NEU3: variants seen among roughly 807,000 people sequenced by gnomAD.
NEU3 encodes neuraminidase 3.
NEU3 carries 10 observed loss-of-function variants against 11.4 expected under a neutral mutation model. The observed-to-expected ratio is 0.88, with a 90% confidence interval of 0.54 to 1.49. The LOEUF (loss-of-function observed/expected upper bound fraction) is 1.49, where lower values mean the gene tolerates loss of function less well. Ranked by LOEUF, NEU3 falls within the 40% of genes most tolerant of loss-of-function variation. The pLI is 0.00. For missense variants in NEU3, 529 were observed against 581.8 expected, an observed-to-expected ratio of 0.91 and a Z score of 0.93; for synonymous variants, 212 against 228.2, an observed-to-expected ratio of 0.93 and a Z score of 0.64.
Position 75,009,703 on chromosome 11 carries a change from CTG to C in NEU3, c.*3212_*3213del, listed in dbSNP as rs1948937006. On this transcript the variant is annotated 3_prime_UTR_variant, in exon 3 of 3. Coordinates refer to ENST00000294064, the MANE Select transcript of NEU3 (RefSeq NM_006656.6). Reference sequence around the variant, plus strand: ...TCCTTCCAGCACACATGGCCCAACACTGAGAGTGCAGGAAGCATGGGTAGGGG... The same window carrying C: ...TCCTTCCAGCACACATGGCCCAACACAGAGTGCAGGAAGCATGGGTAGGGG... 6.6e-6 allele frequency: 1 copy of C among 152,302 alleles called. No individual in the cohort carries two copies. The highest frequency in any genetic ancestry group is 1.5e-5 in the Non-Finnish European group (1 of 68,120). 9.4% of individuals were successfully genotyped at this position (152,302 alleles called of 1,614,324 possible).
chr11:75,018,330 T>C (rs192525803), intron 3 of NEU3, among the ~76,000 whole-genome samples: 57 of 152,252 alleles, frequency 3.7e-4, no homozygotes, highest in Admixed American at 6.5e-4. Flanking sequence ...GTATTGATCC[T>C]GGGTGTGTCT....
chr11:74,986,379 G>C (rs1217232536), upstream of NEU3, among the ~76,000 whole-genome samples: 1 of 152,160 alleles, frequency 6.6e-6, no homozygotes, highest in Non-Finnish European at 1.5e-5. Context: ...TTCCTCTAAA[G>C]CGACTGTACC....
At chr11:75,017,977 G>A (rs778491235) in intron 3 of NEU3, among the ~76,000 whole-genome samples, 1 of 152,164 alleles carries the variant, frequency 6.6e-6, no homozygotes, top group African/African-American at 2.4e-5. Flanking sequence ...CAATGAAGAG[G>A]AGCTTTGAGC....
intron 2 of NEU3, among the ~76,000 whole-genome samples, chr11:75,000,848 G>A (rs149938188): frequency 1.3e-4 from 19 of 150,470 alleles, no homozygotes; most frequent in Non-Finnish European, 2.2e-4. Flanking sequence ...TATGTTGCCC[G>A]GGCTCCATTC....
At chr11:75,019,610 A>G (rs766959048), downstream of NEU3, among the ~76,000 whole-genome samples, 10 of 152,210 alleles carry the variant, frequency 6.6e-5, no homozygotes, top group Non-Finnish European at 1.3e-4. Context: ...TGCATATGTG[A>G]TGGTTCCTGC....
intron 3 of NEU3, among the ~76,000 whole-genome samples, chr11:75,017,839 T>C (rs768907578): frequency 2.0e-5 from 3 of 152,076 alleles, no homozygotes; most frequent in Non-Finnish European, 1.5e-5. Context: ...GTCTTTGGGG[T>C]AGGAATTAGT....
At chr11:75,002,035 C>T (rs1948849752) in intron 2 of NEU3, among the ~76,000 whole-genome samples, 1 of 152,152 alleles carries the variant, frequency 6.6e-6, no homozygotes, top group African/African-American at 2.4e-5. Context: ...CTAGATAACC[C>T]TTATGGTCCA....
chr11:74,990,803 A>G (rs1948723608), intron 1 of NEU3, among the ~76,000 whole-genome samples: 1 of 152,210 alleles, frequency 6.6e-6, no homozygotes, highest in Non-Finnish European at 1.5e-5. Flanking sequence ...CTTGTAATTA[A>G]GGTGTTAAGA....
downstream of NEU3, among the ~76,000 whole-genome samples, chr11:75,011,834 CT>C (rs796716587): frequency 9.5e-3 from 1,408 of 148,944 alleles, 31 homozygotes; most frequent in African/African-American, 0.033. Flanking sequence ...GAGGAGTTAA[CT>C]TTTTTTTTTT....
chr11:74,985,989 G>A (rs984603656), upstream of NEU3, among the ~76,000 whole-genome samples: 6 of 152,218 alleles, frequency 3.9e-5, no homozygotes, highest in African/African-American at 1.4e-4. Context: ...CACTTTGAGA[G>A]CCAAGTTTCC....
At chr11:75,012,954 C>T (rs1189468338), downstream of NEU3, among the ~76,000 whole-genome samples, 1 of 152,208 alleles carries the variant, frequency 6.6e-6, no homozygotes, top group Non-Finnish European at 1.5e-5. Flanking sequence ...TTGCAGGTTC[C>T]AATCACTAGG....
In NEU3 at chr11:75,006,034, C is replaced by T. The variant is rs777055808; in HGVS notation, c.928C>T (p.His310Tyr). Residue 310 changes from histidine to tyrosine, a missense_variant, in exon 3 of 3, where the codon CAT becomes TAT. Transcript: ENST00000294064. ...GAGTCGACAGCTCTGTGAGCCCCCA[C>T]ATGGTTGCCAAGGGAGTGTGGTAAG... ...ALSRQLCEPP[H>Y]GCQGSVVSFR... The T allele has an allele frequency of 3.1e-6, 5 of 1,614,002 alleles. No individual in the cohort carries two copies. Among genetic ancestry groups the T allele is most frequent in the South Asian group, 1.1e-5 (1 of 91,086 alleles).
rs1036562095 is a variant in NEU3 at position 75,006,574 on chromosome 11, A to G, written c.*82A>G. The stretch of plus-strand genomic sequence containing the variant: ...AAGCTACTGAAGTCTACAGATAATC[A>G]AAAAACTTAATATTCTGTTCCCTAC... On this transcript the variant is annotated 3_prime_UTR_variant, in exon 3 of 3. Transcript: ENST00000294064. The G allele has an allele frequency of 9.6e-6, 14 of 1,451,080 alleles. No individual in the cohort carries two copies. The African/African-American group carries it at 2.0e-4, about 21-fold the overall frequency. The allele number at this position is 1,451,080 out of a possible 1,614,324, so 89.9% of individuals were successfully genotyped here.
intron 1 of NEU3, among the ~76,000 whole-genome samples, chr11:74,992,678 G>A (rs1211282753): frequency 2.6e-5 from 4 of 152,154 alleles, no homozygotes; most frequent in East Asian, 1.9e-4. Context: ...TAACAAAGCC[G>A]GCCGGGCACG....
Position 74,994,569 on chromosome 11 carries a change from A to G in NEU3, c.155A>G (p.Asp52Gly), listed in dbSNP as rs1333008676. 1 of 1,613,976 alleles carries G rather than the reference A, an allele frequency of 6.2e-7. No homozygotes were observed. The highest frequency in any genetic ancestry group is 8.5e-7 in the Non-Finnish European group (1 of 1,179,870). ...FNSPLFRQED[D>G]RGITYRIPAL... is the part of the protein sequence containing the mutation. Reference sequence around the variant, plus strand: ...AGCCCTCTGTTCCGGCAGGAAGATGACAGAGGGATTACCTACCGGATCCCA... The same window carrying G: ...AGCCCTCTGTTCCGGCAGGAAGATGGCAGAGGGATTACCTACCGGATCCCA... The change falls in exon 2 of 3, where the codon GAC (aspartate) becomes GGC (glycine). Residue 52 changes from aspartate (D) to glycine (G), a missense_variant. Asp to Gly is a moderately conservative substitution (Grantham distance 94). Transcript: ENST00000294064.
chr11:74,999,126 ACTGTCTGTTTGTCTGT>A (rs1763140587), intron 2 of NEU3, among the ~76,000 whole-genome samples: 1 of 139,498 alleles, frequency 7.2e-6, no homozygotes, highest in African/African-American at 2.5e-5. Context: ...TTAAATTTTA[ACTGTCTGTTTGTCTGT>A]CTGTCTGTCT....
downstream of NEU3, among the ~76,000 whole-genome samples, chr11:75,011,876 T>C (rs1948957955): frequency 6.6e-6 from 1 of 152,144 alleles, no homozygotes. Context: ...CTTGCCTCTA[T>C]TGCCTCAAGA....
intron 3 of NEU3, among the ~76,000 whole-genome samples, chr11:75,017,849 TA>T (rs1477976518): frequency 6.6e-6 from 1 of 152,124 alleles, no homozygotes; most frequent in African/African-American, 2.4e-5. Flanking sequence ...TAGGAATTAG[TA>T]AAATCTATTT....
intron 2 of NEU3, among the ~76,000 whole-genome samples, chr11:75,002,249 C>A (rs1337932654): frequency 6.6e-6 from 1 of 152,162 alleles, no homozygotes; most frequent in African/African-American, 2.4e-5. Flanking sequence ...GATAAGGACC[C>A]ACTATGTTGC....
Sources: allele counts gnomAD v4.1 joint callset (sites outside exome capture counted in the v4.1 genomes callset), GRCh38; gene constraint gnomAD v4.1.1; transcripts MANE v1.5; gene names NCBI Gene and HGNC (gene_info 2026-07-23, HGNC 2026-07-21).